FMN1: variants seen among roughly 807,000 people sequenced by gnomAD.
FMN1 encodes the protein formin 1.
FMN1 carries 110 observed loss-of-function variants against 132.4 expected under a neutral mutation model. That is an observed-to-expected ratio of 0.83 (90% CI 0.71 to 0.97). FMN1 has a LOEUF of 0.97. Ranked by LOEUF, FMN1 falls within the 50% of genes least tolerant of loss-of-function variation. The probability of loss-of-function intolerance (pLI) is 0.00; values close to 1 mark genes in which losing one functional copy is unlikely to be tolerated. For synonymous variants in FMN1, 722 were observed against 651.7 expected (o/e 1.11, Z -1.64); for missense variants, 1,792 against 1,705.3 (o/e 1.05, Z -0.90).
chr15:32,849,948 C>T (rs1216388536), intron 17 of FMN1, among the ~76,000 whole-genome samples: 1 of 152,204 alleles, frequency 6.6e-6, no homozygotes, highest in Non-Finnish European at 1.5e-5. Context: ...TAAGCCACTG[C>T]GCCTAGCCAA....
chr15:33,072,975 T>A (rs1018762531), intron 5 of FMN1, among the ~76,000 whole-genome samples: 1 of 150,888 alleles, frequency 6.6e-6, no homozygotes, highest in Non-Finnish European at 1.5e-5. Flanking sequence ...GTATACCTAG[T>A]GAGATAAGAA....
At chr15:32,979,943 A>G (rs1327065061) in intron 7 of FMN1, among the ~76,000 whole-genome samples, 1 of 152,226 alleles carries the variant, frequency 6.6e-6, no homozygotes, top group Non-Finnish European at 1.5e-5. Flanking sequence ...CCGATGATGC[A>G]TGCATGGATC....
At chr15:33,084,013 A>G (rs2038592380) in intron 5 of FMN1, among the ~76,000 whole-genome samples, 1 of 152,178 alleles carries the variant, frequency 6.6e-6, no homozygotes, top group Non-Finnish European at 1.5e-5. Context: ...TATATGGTCT[A>G]AAAAGGGGAG....
chr15:32,806,561 A>C (rs1219818047), intron 17 of FMN1, among the ~76,000 whole-genome samples: 1 of 152,184 alleles, frequency 6.6e-6, no homozygotes, highest in African/African-American at 2.4e-5. Flanking sequence ...ATCAGCCTTG[A>C]CATAGTATCT....
intron 4 of FMN1, among the ~76,000 whole-genome samples, chr15:33,099,763 AAAAGTCATCT>A (rs2039223346): frequency 6.6e-6 from 1 of 152,220 alleles, no homozygotes. Context: ...GTCATTCTCT[AAAAGTCATCT>A]AGTTTTCTCA....
chr15:33,033,713 C>T (rs2036057167), intron 6 of FMN1, among the ~76,000 whole-genome samples: 1 of 151,344 alleles, frequency 6.6e-6, no homozygotes. Flanking sequence ...TCAAAGTCAC[C>T]TACATACTGT....
chr15:33,054,085 C>A (rs2037106497), intron 6 of FMN1, among the ~76,000 whole-genome samples: 1 of 152,082 alleles, frequency 6.6e-6, no homozygotes, highest in Admixed American at 6.5e-5. Context: ...GTGTCCAACC[C>A]CCATCCTGAA....
intron 20 of FMN1, among the ~76,000 whole-genome samples, chr15:32,775,120 GAGAAGCCTTTGAGAA>G (rs1302451504): frequency 6.6e-6 from 1 of 152,202 alleles, no homozygotes; most frequent in Non-Finnish European, 1.5e-5. Flanking sequence ...CAGATGCAGA[GAGAAGCCTTTGAGAA>G]TGGATCCTTA....
intron 6 of FMN1, among the ~76,000 whole-genome samples, chr15:33,049,266 A>T (rs1229555084): frequency 6.6e-6 from 1 of 152,190 alleles, no homozygotes; most frequent in Non-Finnish European, 1.5e-5. Context: ...GACTTAGCTC[A>T]TGCATTAGGC....
At chr15:32,953,239 C>A (rs1306565435) in intron 9 of FMN1, among the ~76,000 whole-genome samples, 4 of 152,166 alleles carry the variant, frequency 2.6e-5, no homozygotes, top group African/African-American at 7.2e-5. Context: ...CTGGCAGGGG[C>A]CTCGCTGACC....
At chr15:33,091,205 G>A (rs1041232168) in intron 4 of FMN1, among the ~76,000 whole-genome samples, 2 of 152,184 alleles carry the variant, frequency 1.3e-5, no homozygotes, top group African/African-American at 4.8e-5. Context: ...TCTGGTGAGT[G>A]TAAGTTCATC....
At chr15:32,954,088 C>A (rs754603854) in intron 9 of FMN1, among the ~76,000 whole-genome samples, 86 of 152,172 alleles carry the variant, frequency 5.7e-4, no homozygotes, top group Non-Finnish European at 1.1e-3. Context: ...ACTACAACAA[C>A]TAATAGTTAC....
intron 15 of FMN1, among the ~76,000 whole-genome samples, chr15:32,897,382 T>C (rs1024362072): frequency 1.3e-5 from 2 of 152,188 alleles, no homozygotes; most frequent in African/African-American, 4.8e-5. Context: ...ATATTGGTAA[T>C]GTTACTGGGA....
chr15:32,782,709 T>C (rs989863272), intron 19 of FMN1, among the ~76,000 whole-genome samples: 1 of 152,210 alleles, frequency 6.6e-6, no homozygotes, highest in Non-Finnish European at 1.5e-5. Flanking sequence ...AACCTCCTCA[T>C]TGTTTGTGGA....
At chr15:33,193,319 T>C (rs551943353) in intron 2 of FMN1, among the ~76,000 whole-genome samples, 2 of 152,300 alleles carry the variant, frequency 1.3e-5, no homozygotes, top group East Asian at 3.9e-4. Context: ...CAGTAAGCCC[T>C]AGAAACAGCT....
chr15:33,134,152 C>G (rs1315485158), intron 4 of FMN1, among the ~76,000 whole-genome samples: 1 of 152,014 alleles, frequency 6.6e-6, no homozygotes, highest in African/African-American at 2.4e-5. Context: ...TTTTGCCATG[C>G]TGGTCGGGCT....
At chr15:33,136,986 G>A (rs1963795205) in intron 4 of FMN1, among the ~76,000 whole-genome samples, 1 of 150,922 alleles carries the variant, frequency 6.6e-6, no homozygotes, top group African/African-American at 2.4e-5. Context: ...TACCTGGGAG[G>A]CTGAAGCAGA....
chr15:33,023,078 G>GAAA (rs3081422), intron 6 of FMN1, among the ~76,000 whole-genome samples: 30,849 of 115,762 alleles, frequency 0.27, 3,831 homozygotes, highest in Non-Finnish European at 0.3. Flanking sequence ...AAAAAAAAAA[G>GAAA]AAAAAAAAGA....
chr15:32,789,877 C>A (rs2057011512), intron 19 of FMN1, among the ~76,000 whole-genome samples: 1 of 152,178 alleles, frequency 6.6e-6, no homozygotes, highest in Admixed American at 6.5e-5. Flanking sequence ...AGTACAGTAA[C>A]CTGCCGTACA....
Sources: allele counts gnomAD v4.1 joint callset (sites outside exome capture counted in the v4.1 genomes callset), GRCh38; gene constraint gnomAD v4.1.1; transcripts MANE v1.5; gene names NCBI Gene and HGNC (gene_info 2026-07-23, HGNC 2026-07-21).